Variants in GPC5 observed in about 807,000 individuals in gnomAD.
The protein encoded by GPC5 is glypican 5.
Under a neutral mutation model 53.9 loss-of-function variants are expected in GPC5, and 47 were observed. That is an observed-to-expected ratio of 0.87 (90% CI 0.69 to 1.11). GPC5 has a LOEUF of 1.11. Ranked by LOEUF, GPC5 falls within the 50% of genes most tolerant of loss-of-function variation. The pLI is 0.00. For missense variants in GPC5, 748 were observed against 713.1 expected (o/e 1.05, Z -0.56); for synonymous variants, 286 against 263.3 (o/e 1.09, Z -0.84).
intron 7 of GPC5, among the ~76,000 whole-genome samples, chr13:92,404,872 A>G (rs1180423432): frequency 6.7e-6 from 1 of 150,264 alleles, no homozygotes; most frequent in Non-Finnish European, 1.5e-5. Context: ...CTTTACAAGT[A>G]CATCAAGGAT....
rs927559040 is a variant in GPC5, at chr13:91,777,167, T to C, written c.1280+20747T>C. ...GGATAATATTGAATACAGACATGTTTATTATTTGTCATTTTCATTTAAGAG... is the reference window on the plus strand; with the variant it reads ...GGATAATATTGAATACAGACATGTTCATTATTTGTCATTTTCATTTAAGAG... On this transcript the variant is annotated intron_variant, in intron 5 of 7. Transcript: ENST00000377067. Among the ~76,000 whole-genome samples, 3 of 152,232 alleles carry C rather than the reference T, an allele frequency of 2.0e-5. No individual in the cohort carries two copies. In the South Asian group the frequency reaches 6.2e-4, roughly 32 times the overall value.
At chr13:91,839,773 T>A (rs1052462874) in intron 5 of GPC5, among the ~76,000 whole-genome samples, 1 of 152,094 alleles carries the variant, frequency 6.6e-6, no homozygotes, top group Non-Finnish European at 1.5e-5. Flanking sequence ...TAATATGAAT[T>A]ATAAGTCATG....
chr13:91,498,059 C>T (rs1041634349), intron 2 of GPC5, among the ~76,000 whole-genome samples: 5 of 150,956 alleles, frequency 3.3e-5, no homozygotes, highest in Admixed American at 1.3e-4. Context: ...AACCTCTTAC[C>T]GTGGCCTCTA....
At chr13:91,495,424 A>C (rs565307958) in intron 2 of GPC5, among the ~76,000 whole-genome samples, 2 of 152,292 alleles carry the variant, frequency 1.3e-5, no homozygotes, top group Non-Finnish European at 2.9e-5. Flanking sequence ...CCCATTTCAC[A>C]GGGTAGAAGA....
intron 7 of GPC5, among the ~76,000 whole-genome samples, chr13:92,511,042 G>A (rs1262433494): frequency 6.6e-6 from 1 of 152,166 alleles, no homozygotes; most frequent in Non-Finnish European, 1.5e-5. Context: ...TTAATATCTA[G>A]ATTGGTATCT....
intron 6 of GPC5, among the ~76,000 whole-genome samples, chr13:91,923,595 A>G (rs956615414): frequency 6.6e-6 from 1 of 151,662 alleles, no homozygotes; most frequent in Non-Finnish European, 1.5e-5. Flanking sequence ...TAAGTTTTGC[A>G]TTATATGTTT....
At chr13:92,411,113 C>CA (rs1462577296) in intron 7 of GPC5, among the ~76,000 whole-genome samples, 1 of 152,004 alleles carries the variant, frequency 6.6e-6, no homozygotes, top group South Asian at 2.1e-4. Flanking sequence ...AAAAACAAAA[C>CA]AAAAAAATTT....
chr13:91,879,182 G>A (rs993681309), intron 5 of GPC5, among the ~76,000 whole-genome samples: 15 of 151,750 alleles, frequency 9.9e-5, no homozygotes, highest in South Asian at 4.2e-4. Flanking sequence ...ATACATGTGC[G>A]GACGTGCAGG....
chr13:92,330,535 T>C (rs2043281484), intron 7 of GPC5, among the ~76,000 whole-genome samples: 1 of 152,270 alleles, frequency 6.6e-6, no homozygotes, highest in Middle Eastern at 3.4e-3. Context: ...CAGAAATATA[T>C]AAAAATATTC....
chr13:91,648,070 G>C (rs1322427641), intron 2 of GPC5, among the ~76,000 whole-genome samples: 2 of 152,126 alleles, frequency 1.3e-5, no homozygotes, highest in Non-Finnish European at 2.9e-5. Context: ...CTCACTCAGT[G>C]GTGATCCCTT....
At chr13:92,307,762 A>G (rs1422887512) in intron 7 of GPC5, among the ~76,000 whole-genome samples, 1 of 152,250 alleles carries the variant, frequency 6.6e-6, no homozygotes, top group Non-Finnish European at 1.5e-5. Flanking sequence ...AAGAGAAAAC[A>G]AAGGAAGGAA....
chr13:92,254,220 A>T (rs560863774), intron 7 of GPC5, among the ~76,000 whole-genome samples: 1 of 152,162 alleles, frequency 6.6e-6, no homozygotes, highest in Non-Finnish European at 1.5e-5. Flanking sequence ...GCCAAAGAGC[A>T]TGGGAACAAA....
chr13:91,829,989 C>T (rs1287402833), intron 5 of GPC5, among the ~76,000 whole-genome samples: 1 of 152,028 alleles, frequency 6.6e-6, no homozygotes, highest in Non-Finnish European at 1.5e-5. Flanking sequence ...TCATTGATAA[C>T]ATCTTATCAG....
chr13:91,484,650 A>G (rs1006619994), intron 2 of GPC5, among the ~76,000 whole-genome samples: 3 of 152,160 alleles, frequency 2.0e-5, no homozygotes, highest in African/African-American at 4.8e-5. Flanking sequence ...AGTTGGAGAG[A>G]CTGTGGCAAA....
At chr13:92,364,602 A>T (rs1005297872) in intron 7 of GPC5, among the ~76,000 whole-genome samples, 1 of 151,650 alleles carries the variant, frequency 6.6e-6, no homozygotes, top group South Asian at 2.1e-4. Flanking sequence ...TGGTGGCAAG[A>T]ACCTGTAGTC....
intron 6 of GPC5, among the ~76,000 whole-genome samples, chr13:92,023,217 G>A (rs2040773231): frequency 6.6e-6 from 1 of 151,962 alleles, no homozygotes; most frequent in Non-Finnish European, 1.5e-5. Context: ...TTCTAGTTAG[G>A]ATCTGGTCAA....
chr13:92,805,255 A>G (rs1259914288), intron 7 of GPC5, among the ~76,000 whole-genome samples: 4 of 152,078 alleles, frequency 2.6e-5, no homozygotes, highest in Non-Finnish European at 5.9e-5. Flanking sequence ...TATGGCAGCT[A>G]CAGCCTTACA....
chr13:91,518,949 G>A (rs938783484), intron 2 of GPC5, among the ~76,000 whole-genome samples: 7 of 152,148 alleles, frequency 4.6e-5, no homozygotes, highest in African/African-American at 1.7e-4. Flanking sequence ...CTTTAGTCTT[G>A]ATACTCTTCC....
At chr13:92,182,793 C>T (rs894006518) in intron 7 of GPC5, among the ~76,000 whole-genome samples, 21 of 151,706 alleles carry the variant, frequency 1.4e-4, no homozygotes, top group Admixed American at 4.6e-4. Context: ...GGCGTGAACC[C>T]GGCAGGCAGA....
Sources: gnomAD v4.1 joint callset for allele counts (sites outside exome capture counted in the v4.1 genomes callset) on GRCh38, gnomAD v4.1.1 for gene constraint, MANE v1.5 for transcripts, NCBI Gene and HGNC (gene_info 2026-07-23, HGNC 2026-07-21) for gene names.